The following DEK variants were observed in gnomAD, a reference collection of about 807,000 sequenced individuals.
DEK encodes DEK proto-oncogene.
In DEK, 28 loss-of-function variants were observed where a neutral mutation model predicts 46.8. The observed-to-expected ratio is 0.60, with a 90% CI of 0.44 to 0.82. The LOEUF is 0.82. DEK is among the 40% of genes least tolerant of loss of function. The pLI is 0.00. For synonymous variants in DEK, 160 were observed against 144.5 expected (o/e 1.11, Z -0.77); for missense variants, 416 against 430.6 (o/e 0.97, Z 0.30).
chr6:18,252,509 CAAAAAAAAAAAAAAA>C (rs61626818), intron 6 of DEK, among the ~76,000 whole-genome samples: 1 of 29,144 alleles, frequency 3.4e-5, no homozygotes, highest in Non-Finnish European at 6.4e-5. Context: ...ACGCTGTCTC[CAAAAAAAAAAAAAAA>C]AAAAAAAAAA....
In DEK at chr6:18,255,706, G is replaced by GA. The variant is rs369157848; in HGVS notation, c.573+24dup. 135 of 1,580,592 alleles carry GA rather than the reference G, an allele frequency of 8.5e-5. No homozygotes were observed. The African/African-American group carries it at 1.6e-3, about 19-fold the overall frequency. Reference sequence around the variant, plus strand: ...AAGAGGCTATGAATAACTGATTTATGAAAAAAATAAAAATTGATCCTCACT... The same window carrying GA: ...AAGAGGCTATGAATAACTGATTTATGAAAAAAAATAAAAATTGATCCTCACT... On this transcript the variant is annotated intron_variant, in intron 6 of 10. Coordinates refer to ENST00000652689, the MANE Select transcript of DEK (RefSeq NM_003472.4).
At chr6:18,249,455 T>C (rs1171863814) in intron 7 of DEK, among the ~76,000 whole-genome samples, 196 bp downstream of exon 7, 1 of 152,190 alleles carries the variant, frequency 6.6e-6, no homozygotes, top group Admixed American at 6.5e-5. Flanking sequence ...CTCACTCTTT[T>C]CTGACTCATA....
intron 7 of DEK, among the ~76,000 whole-genome samples, chr6:18,246,533 C>A (rs964128936): frequency 6.6e-6 from 1 of 152,192 alleles, no homozygotes; most frequent in Non-Finnish European, 1.5e-5. Flanking sequence ...CTGACATTTT[C>A]TTTTAAATTA....
Position 18,249,661 on chromosome 6 carries a change from C to G in DEK, c.752G>C (p.Ser251Thr). 6.3e-7 allele frequency: 1 copy of G among 1,578,320 alleles called. No individual in the cohort carries two copies. The highest frequency in any genetic ancestry group is 8.6e-7 in the Non-Finnish European group (1 of 1,168,416). Residue 251 changes from serine (S) to threonine (T), a missense_variant, in exon 7 of 11, where the codon AGT (serine) becomes ACT (threonine). Physicochemically the swap from Ser to Thr is moderately conservative, Grantham distance 58 (BLOSUM62 1). Transcript: ENST00000652689. The stretch of plus-strand genomic sequence containing the variant: ...AGTAAAATATTTTACCTCCTCTTCA[C>G]TTTCTTTATCTTCATCATCTGAAGA... ...EESSDDEDKE[S>T]EEEPPKKTAK...
Position 18,258,377 on chromosome 6 carries a change from C to T in DEK, c.174G>A (p.Arg58=), listed in dbSNP as rs768777313. ...KEKSLIVEGK[R]EKKKVERLTM... is the part of the protein sequence containing the mutation. ...TCAACCTCTCTACTTTTTTCTTTTC[C>T]CTCTTGCCTTCCACGATGAGACTCT... Residue 58 remains arginine (R), a synonymous_variant, in exon 3 of 11, where the codon AGG becomes AGA. Coordinates refer to ENST00000652689, the MANE Select transcript of DEK (RefSeq NM_003472.4). The T allele has an allele frequency of 1.3e-5, 21 of 1,612,070 alleles. 1 individual carries two copies. In the South Asian group the frequency reaches 2.0e-4, roughly 15 times the overall value.
intron 6 of DEK, among the ~76,000 whole-genome samples, chr6:18,252,509 C>CAA (rs61626818): frequency 0.2 from 5,815 of 29,102 alleles, 1,349 homozygotes; most frequent in Admixed American, 0.23. Flanking sequence ...ACGCTGTCTC[C>CAA]AAAAAAAAAA....
chr6:18,256,541 T>G, intron 4 of DEK, 86 bp from the exon 5 acceptor site: 2 of 1,079,970 alleles, frequency 1.9e-6, no homozygotes, highest in Non-Finnish European at 2.7e-6. Flanking sequence ...AGTCAACATC[T>G]TTATTTTCAT....
chr6:18,238,683 CAAAAAAA>C (rs201851628), intron 7 of DEK, among the ~76,000 whole-genome samples: 2 of 91,828 alleles, frequency 2.2e-5, no homozygotes, highest in Admixed American at 1.2e-4. Flanking sequence ...GAGACTGTCT[CAAAAAAA>C]AAAAAAAAAA....
At position 18,249,812 on chromosome 6, in the gene DEK, T is replaced by A; in HGVS notation, c.601A>T (p.Ser201Cys). 6.3e-7 allele frequency: 1 copy of A among 1,599,194 alleles called. No homozygotes were observed. Among genetic ancestry groups the A allele is most frequent in the Non-Finnish European group, 8.5e-7 (1 of 1,176,330 alleles). Residue 201 changes from serine to cysteine, a missense_variant, in exon 7 of 11, where the codon AGC becomes TGC. Transcript: ENST00000652689. ...KPLPKSKKTC[S>C]KGSKKERNSS... ...TTCCGTTCCTTTTTACTGCCTTTGC[T>A]ACAAGTTTTTTTAGATTTCGGCAAT...
chr6:18,262,598 G>A (rs995538220), intron 2 of DEK, among the ~76,000 whole-genome samples: 10 of 152,044 alleles, frequency 6.6e-5, no homozygotes, highest in African/African-American at 2.4e-4. Context: ...ATATTTACAT[G>A]ACTTCTCTAA....
chr6:18,244,544 T>A, intron 7 of DEK: 2 of 1,288,402 alleles, frequency 1.6e-6, no homozygotes, highest in Non-Finnish European at 2.0e-6. Flanking sequence ...TGAAGGAGGG[T>A]CTCCAAAAAA....
intron 9 of DEK, among the ~76,000 whole-genome samples, chr6:18,227,364 T>C (rs980155755): frequency 1.3e-5 from 2 of 152,172 alleles, no homozygotes; most frequent in Non-Finnish European, 1.5e-5. Context: ...CTGTAAGGCA[T>C]TGAGATGTTT....
Position 18,258,404 on chromosome 6 carries a change from T to C in DEK, c.147A>G (p.Glu49=), listed in dbSNP as rs777336855. 1.0e-5 allele frequency: 16 copies of C among 1,605,354 alleles called. 1 individual carries two copies. Among genetic ancestry groups the C allele is most frequent in the Middle Eastern group, 1.7e-4 (1 of 6,056 alleles). The change falls in exon 3 of 11, where the codon GAA becomes GAG. Residue 49 remains glutamate (E), a splice_region_variant and synonymous_variant. Transcript: ENST00000652689. ...TCTTGCCTTCCACGATGAGACTCTTTTCTAGAAATTAATTTAGTATTTCTT... is the reference window on the plus strand; with the variant it reads ...TCTTGCCTTCCACGATGAGACTCTTCTCTAGAAATTAATTTAGTATTTCTT... ...DDEEEEEEEK[E]KSLIVEGKRE...
intron 7 of DEK, among the ~76,000 whole-genome samples, chr6:18,242,355 C>CT (rs557947173): frequency 1.9e-3 from 296 of 152,308 alleles, no homozygotes; most frequent in Middle Eastern, 0.01. Context: ...AAGCAAGACT[C>CT]TGTCTCAAAA....
At chr6:18,235,030 A>T (rs1297579275) in intron 9 of DEK, among the ~76,000 whole-genome samples, 1 of 152,196 alleles carries the variant, frequency 6.6e-6, no homozygotes, top group Non-Finnish European at 1.5e-5. Context: ...AATCCTTCTA[A>T]TGGACAGAAC....
intron 8 of DEK, 114 bp downstream of exon 8, chr6:18,237,267 C>T (rs931444198): frequency 4.8e-6 from 6 of 1,257,688 alleles, no homozygotes; most frequent in African/African-American, 4.6e-5. Context: ...ATTACTTCTC[C>T]CCGCAATGTT....
At chr6:18,258,233 G>A (rs904525040) in intron 3 of DEK, 71 bp downstream of exon 3, 9 of 1,345,730 alleles carry the variant, frequency 6.7e-6, no homozygotes, top group Middle Eastern at 1.8e-4. Context: ...CTGATACTAA[G>A]CTACAAACCA....
chr6:18,264,166 T>TCCG (rs1320489913), intron 1 of DEK, 170 bp from the exon 2 acceptor site: 5 of 501,908 alleles, frequency 1.0e-5, no homozygotes, highest in Admixed American at 4.4e-5. Flanking sequence ...TCCCTCCCGC[T>TCCG]CCGCCGCCGC....
At chr6:18,252,614 T>A (rs552545538) in intron 6 of DEK, among the ~76,000 whole-genome samples, 1 of 150,928 alleles carries the variant, frequency 6.6e-6, no homozygotes, top group South Asian at 2.1e-4. Flanking sequence ...ACATAAGAGT[T>A]AAGATTCTAT....
Sources: allele counts gnomAD v4.1 joint callset (sites outside exome capture counted in the v4.1 genomes callset), GRCh38; gene constraint gnomAD v4.1.1; transcripts MANE v1.5; gene names NCBI Gene and HGNC (gene_info 2026-07-23, HGNC 2026-07-21).